IL17RD: variants seen among roughly 807,000 people sequenced by gnomAD.
IL17RD encodes interleukin-17 receptor D.
IL17RD carries 52 observed loss-of-function variants against 80.5 expected under a neutral mutation model. The ratio of observed to expected loss-of-function variants is 0.65; its 90% CI spans 0.52 to 0.81. The LOEUF (loss-of-function observed/expected upper bound fraction) is 0.81, where lower values mean the gene tolerates loss of function less well. Ranked by LOEUF, IL17RD falls within the 40% of genes least tolerant of loss-of-function variation. IL17RD has a pLI of 0.00. For missense variants in IL17RD, 1,024 were observed against 955.1 expected, an observed-to-expected ratio of 1.07 and a Z score of -0.95; for synonymous variants, 416 against 391.8, an observed-to-expected ratio of 1.06 and a Z score of -0.73.
In IL17RD at chr3:57,093,346, G is replaced by A. The variant is rs1706600582; in HGVS notation, c.*3047C>T. The A allele has an allele frequency of 6.6e-6, 1 of 152,096 alleles. No individual in the cohort carries two copies. Among genetic ancestry groups the A allele is most frequent in the Admixed American group, 6.5e-5 (1 of 15,268 alleles). The allele number at this position is 152,096 out of a possible 1,614,324, so 9.4% of individuals were successfully genotyped here. A position where few individuals can be genotyped will look rare whatever the true frequency, so the allele number is the denominator to read the frequency against. On this transcript the variant is annotated 3_prime_UTR_variant, in exon 13 of 13. Coordinates refer to ENST00000296318, the MANE Select transcript of IL17RD (RefSeq NM_017563.5). ...AATAATATTTTCTCTCTTCTTCAGG[G>A]AGCCAAATTAGTGTTGAAGTTGGGG... is the stretch of plus-strand genomic sequence containing the variant.
In IL17RD at chr3:57,107,781, G is replaced by C. The variant is rs367882330; in HGVS notation, c.551-1627C>G. On this transcript the variant is annotated intron_variant, in intron 5 of 12. Transcript: ENST00000296318. Reference sequence around the variant, plus strand: ...GGGGTTCAAATCCAACTCCCGGCAAGCCCTTCACCTTCTCTGTGTGGGATT... The same window carrying C: ...GGGGTTCAAATCCAACTCCCGGCAACCCCTTCACCTTCTCTGTGTGGGATT... Among the ~76,000 whole-genome samples, 7 of 152,288 alleles carry C rather than the reference G, an allele frequency of 4.6e-5. No individual in the cohort carries two copies. The East Asian group carries it at 1.3e-3, about 29-fold the overall frequency.
rs552687376 is a variant in IL17RD, at chr3:57,102,531, G to A, written c.927C>T (p.Val309=). The A allele has an allele frequency of 1.1e-5, 17 of 1,580,554 alleles. No homozygotes were observed. In the Admixed American group the frequency reaches 2.4e-4, roughly 22 times the overall value. ...TGAAGAGCGTCGCGAATGCCGATAT[G>A]ACTACCAGTGGCACTGTGATGGCCA... ...RAVAITVPLV[V]ISAFATLFTV... Residue 309 remains valine, a synonymous_variant, in exon 10 of 13, where the codon GTC becomes GTT. Coordinates refer to ENST00000296318, the MANE Select transcript of IL17RD (RefSeq NM_017563.5).
At position 57,110,263 on chromosome 3, in the gene IL17RD, G is replaced by A. The variant is rs570484286; in HGVS notation, c.359C>T (p.Ser120Leu). 42 of 1,609,298 alleles carry A rather than the reference G, an allele frequency of 2.6e-5. No individual in the cohort carries two copies. Among genetic ancestry groups the A allele is most frequent in the East Asian group, 1.6e-4 (7 of 44,806 alleles). Residue 120 changes from serine (S) to leucine (L), a missense_variant, in exon 4 of 13, where the codon TCG becomes TTG. Physicochemically the swap from Ser to Leu is moderately radical, Grantham distance 145 (BLOSUM62 -2). Transcript: ENST00000296318. Reference sequence around the variant, plus strand: ...CAGTTGTTGGCACTGTCTTCCCTCCGACTTCAGCTCCTCCAGTATTACCCG... The same window carrying A: ...CAGTTGTTGGCACTGTCTTCCCTCCAACTTCAGCTCCTCCAGTATTACCCG... ...GFRVILEELK[S>L]EGRQCQQLIL...
intron 1 of IL17RD, among the ~76,000 whole-genome samples, chr3:57,122,988 G>A (rs1291112259): frequency 6.6e-6 from 1 of 151,730 alleles, no homozygotes; most frequent in Non-Finnish European, 1.5e-5. Context: ...ATTGCAACAT[G>A]TTATTTGCAG....
chr3:57,145,978 A>G (rs188410292), intron 1 of IL17RD, among the ~76,000 whole-genome samples: 1 of 152,226 alleles, frequency 6.6e-6, no homozygotes, highest in African/African-American at 2.4e-5. Context: ...TTTATGGGTA[A>G]TGTGCGATCA....
intron 7 of IL17RD, among the ~76,000 whole-genome samples, chr3:57,105,552 A>AAAAAAAAAAAAAAAAAAAAAAAT: frequency 1.4e-4 from 9 of 63,580 alleles, no homozygotes; most frequent in Non-Finnish European, 1.9e-4. Context: ...AAAAAAAAAA[A>AAAAAAAAAAAAAAAAAAAAAAAT]ATATATATAT....
Position 57,152,334 on chromosome 3 carries a change from A to G in IL17RD, c.126+12827T>C, listed in dbSNP as rs140784340. Among the ~76,000 whole-genome samples the G allele has an allele frequency of 3.6e-3, 546 of 152,348 alleles. 3 individuals carry two copies. Among genetic ancestry groups the G allele is most frequent in the African/African-American group, 0.012 (518 of 41,590 alleles). On this transcript the variant is annotated intron_variant, in intron 1 of 12. Coordinates refer to ENST00000296318, the MANE Select transcript of IL17RD (RefSeq NM_017563.5). ...TTCTGGCCTTTCACTGTCAGGCCACAGAGGGGACTGTGGACTTGGTGCCAG... is the reference window on the plus strand; with the variant it reads ...TTCTGGCCTTTCACTGTCAGGCCACGGAGGGGACTGTGGACTTGGTGCCAG...
intron 1 of IL17RD, among the ~76,000 whole-genome samples, chr3:57,132,754 C>T (rs750284957): frequency 2.0e-5 from 3 of 152,222 alleles, no homozygotes; most frequent in Non-Finnish European, 2.9e-5. Flanking sequence ...GTTATGTCTG[C>T]AGCCAAGTCA....
At chr3:57,163,721 T>C (rs1425104933) in intron 1 of IL17RD, among the ~76,000 whole-genome samples, 6 of 145,990 alleles carry the variant, frequency 4.1e-5, no homozygotes, top group African/African-American at 1.3e-4. Flanking sequence ...TTTACTGAAA[T>C]GGAACACAGT....
At chr3:57,119,771 A>G (rs958712333) in intron 2 of IL17RD, among the ~76,000 whole-genome samples, 1 of 152,196 alleles carries the variant, frequency 6.6e-6, no homozygotes, top group Non-Finnish European at 1.5e-5. Flanking sequence ...ATGTTTACAC[A>G]AAAAGCACAA....
intron 1 of IL17RD, chr3:57,134,507 C>T (rs994568127): frequency 1.6e-6 from 2 of 1,243,240 alleles, no homozygotes; most frequent in East Asian, 2.3e-5. Context: ...ACAGCCTGTA[C>T]CTGAAGGTGA....
upstream of IL17RD, among the ~76,000 whole-genome samples, chr3:57,169,577 G>T (rs1396682362): frequency 7.2e-5 from 11 of 152,182 alleles, no homozygotes; most frequent in African/African-American, 2.7e-4. Context: ...GAAGTAATTT[G>T]TATCATGAAT....
At chr3:57,122,837 G>A (rs1313404306) in intron 1 of IL17RD, among the ~76,000 whole-genome samples, 1 of 148,176 alleles carries the variant, frequency 6.7e-6, no homozygotes, top group Non-Finnish European at 1.5e-5. Context: ...GAGGGACTTC[G>A]CAAAAAGGAA....
chr3:57,169,509 G>C (rs1321698569), upstream of IL17RD: 1 of 206,980 alleles, frequency 4.8e-6, no homozygotes, highest in Non-Finnish European at 9.9e-6. Flanking sequence ...CGCAAGGATT[G>C]GATTTTGTTA....
intron 3 of IL17RD, among the ~76,000 whole-genome samples, chr3:57,112,441 A>G (rs1344586127): frequency 6.6e-6 from 1 of 152,164 alleles, no homozygotes; most frequent in African/African-American, 2.4e-5. Flanking sequence ...GATAGAACCT[A>G]ACAGAAACTC....
At chr3:57,156,634 G>C (rs927235559) in intron 1 of IL17RD, among the ~76,000 whole-genome samples, 2 of 152,174 alleles carry the variant, frequency 1.3e-5, no homozygotes, top group African/African-American at 2.4e-5. Flanking sequence ...TTCACTCAAT[G>C]AATGAATGGC....
At chr3:57,146,084 C>T (rs28507761) in intron 1 of IL17RD, among the ~76,000 whole-genome samples, 4 of 152,178 alleles carry the variant, frequency 2.6e-5, no homozygotes, top group African/African-American at 9.7e-5. Flanking sequence ...TGCACACACA[C>T]ACATACAAAG....
At chr3:57,110,660 G>A (rs1051186391) in intron 3 of IL17RD, among the ~76,000 whole-genome samples, 1 of 152,248 alleles carries the variant, frequency 6.6e-6, no homozygotes, top group Non-Finnish European at 1.5e-5. Context: ...TCATTACACA[G>A]AATACATTTG....
intron 1 of IL17RD, among the ~76,000 whole-genome samples, chr3:57,156,344 G>A (rs1272257566): frequency 6.6e-6 from 1 of 152,032 alleles, no homozygotes; most frequent in East Asian, 1.9e-4. Context: ...TGGGCAGATC[G>A]CTTGAGGCCA....
Sources: allele counts gnomAD v4.1 joint callset (sites outside exome capture counted in the v4.1 genomes callset), GRCh38; gene constraint gnomAD v4.1.1; transcripts MANE v1.5; gene names NCBI Gene and HGNC (gene_info 2026-07-23, HGNC 2026-07-21).